Variants in ZC3HAV1 observed in about 807,000 individuals in gnomAD.
ZC3HAV1 encodes the protein zinc finger CCCH-type containing, antiviral 1.
Under a neutral mutation model 86.6 loss-of-function variants are expected in ZC3HAV1, and 41 were observed. The observed-to-expected ratio is 0.47, with a 90% CI of 0.37 to 0.61. The LOEUF (loss-of-function observed/expected upper bound fraction) is 0.61. Among genes scored for constraint, ZC3HAV1 ranks in the 20% least tolerant of loss-of-function variants. The pLI is 0.00. For synonymous variants in ZC3HAV1, 421 were observed against 432.1 expected (o/e 0.97, Z 0.32); for missense variants, 964 against 1,141.1 (o/e 0.84, Z 2.24).
rs532040789 is a variant in ZC3HAV1 at position 139,075,438 on chromosome 7, CTTAT to C, written c.1697+844_1697+847del. Among the ~76,000 whole-genome samples, 445 of 152,176 alleles carry C rather than the reference CTTAT, an allele frequency of 2.9e-3. 3 individuals carry two copies. The highest frequency in any genetic ancestry group is 4.8e-3 in the Admixed American group (73 of 15,258). ...TCTTCCAGAAGGAGAAATGTTTTTA[CTTAT>C]TTATTTTTGAGACAGGGTCTCACTC... On this transcript the variant is annotated intron_variant, in intron 6 of 12. Transcript: ENST00000242351.
chr7:139,058,761 A>G (rs1270445256), intron 9 of ZC3HAV1, among the ~76,000 whole-genome samples: 1 of 152,158 alleles, frequency 6.6e-6, no homozygotes, highest in Admixed American at 6.6e-5. Flanking sequence ...AAAAGCACGA[A>G]GCAACTCTGA....
intron 9 of ZC3HAV1, among the ~76,000 whole-genome samples, chr7:139,058,495 G>C (rs1816354457): frequency 6.9e-6 from 1 of 144,746 alleles, no homozygotes; most frequent in Non-Finnish European, 1.5e-5. Context: ...CTGAGGAGCT[G>C]ATAATTGAGG....
chr7:139,097,166 T>C (rs956907375), intron 1 of ZC3HAV1, among the ~76,000 whole-genome samples: 5 of 149,390 alleles, frequency 3.3e-5, no homozygotes, highest in African/African-American at 1.2e-4. Context: ...AAATAAAAAA[T>C]AAAAAAAAGA....
At chr7:139,053,376 A>T (rs1263682172) in intron 12 of ZC3HAV1, 75 bp downstream of exon 12, 3 of 1,458,772 alleles carry the variant, frequency 2.1e-6, no homozygotes, top group African/African-American at 1.4e-5. Flanking sequence ...ATAATTACAT[A>T]TACCTCCTAA....
chr7:139,046,459 T>G lies in ZC3HAV1; in HGVS notation c.*1135A>C, dbSNP rs1313503994. 1 of 152,224 alleles carries G rather than the reference T, an allele frequency of 6.6e-6. No individual in the cohort carries two copies. The highest frequency in any genetic ancestry group is 6.5e-5 in the Admixed American group (1 of 15,280). The allele number at this position is 152,224 out of a possible 1,614,324, so 9.4% of individuals were successfully genotyped here. ...AAATACTTTCATGAAAAGCCTGACC[T>G]GAGAAAAAGCCTTCTCTGTAATCAT... On this transcript the variant is annotated 3_prime_UTR_variant, in exon 13 of 13. Transcript: ENST00000242351.
At chr7:139,090,219 C>A (rs1817391300) in intron 1 of ZC3HAV1, among the ~76,000 whole-genome samples, 1 of 152,174 alleles carries the variant, frequency 6.6e-6, no homozygotes, top group South Asian at 2.1e-4. Context: ...CCACACCTGG[C>A]CCTTTGTTAA....
intron 1 of ZC3HAV1, among the ~76,000 whole-genome samples, chr7:139,101,017 AT>A (rs1341418208): frequency 5.9e-5 from 9 of 152,046 alleles, no homozygotes; most frequent in South Asian, 4.1e-4. Context: ...TGGTTTTCGT[AT>A]TTTTTTGGTG....
chr7:139,085,490 T>C (rs1350978780), intron 2 of ZC3HAV1, among the ~76,000 whole-genome samples: 1 of 152,212 alleles, frequency 6.6e-6, no homozygotes. Context: ...GTGTGTGGCT[T>C]CCCACTGGTT....
chr7:139,083,657 G>T (rs2130711204), intron 3 of ZC3HAV1, 123 bp downstream of exon 3: 2 of 1,296,512 alleles, frequency 1.5e-6, no homozygotes, highest in African/African-American at 1.5e-5. Context: ...AACCTGGGAG[G>T]CAGAGGTTGC....
intron 1 of ZC3HAV1, among the ~76,000 whole-genome samples, chr7:139,101,698 A>G (rs562013208): frequency 4.8e-4 from 72 of 151,268 alleles, no homozygotes; most frequent in African/African-American, 1.6e-3. Flanking sequence ...CTGTTGATCT[A>G]TGACCTTACC....
chr7:139,108,937 G>A lies in ZC3HAV1; in HGVS notation c.308+87C>T. 7.0e-7 allele frequency: 1 copy of A among 1,438,792 alleles called. No homozygotes were observed. The highest frequency in any genetic ancestry group is 9.2e-7 in the Non-Finnish European group (1 of 1,083,620). The allele number at this position is 1,438,792 out of a possible 1,614,324, so 89.1% of individuals were successfully genotyped here. The stretch of plus-strand genomic sequence containing the variant: ...CTGTCAGGTGCGGGGTCCCGGCGAA[G>A]CCGTGCCCCTCCCAGAACATTGCCC... On this transcript the variant is annotated intron_variant, in intron 1 of 12. Coordinates refer to ENST00000242351, the MANE Select transcript of ZC3HAV1 (RefSeq NM_020119.4). The surrounding 1 kb of genome is among the most constrained non-coding windows in gnomAD (Gnocchi z 4.2).
At chr7:139,077,265 A>G (rs544890815) in intron 5 of ZC3HAV1, among the ~76,000 whole-genome samples, 1 of 152,282 alleles carries the variant, frequency 6.6e-6, no homozygotes, top group Admixed American at 6.5e-5. Flanking sequence ...TTTGAGGCAG[A>G]ATCTCACTCA....
intron 7 of ZC3HAV1, among the ~76,000 whole-genome samples, chr7:139,069,199 C>T (rs1816696381): frequency 1.3e-5 from 2 of 152,130 alleles, no homozygotes; most frequent in South Asian, 4.1e-4. Flanking sequence ...TTTTAGCTAC[C>T]ATTAGTTTAA....
At chr7:139,101,597 G>A (rs1303993731) in intron 1 of ZC3HAV1, among the ~76,000 whole-genome samples, 1 of 146,660 alleles carries the variant, frequency 6.8e-6, no homozygotes, top group East Asian at 2.0e-4. Context: ...AAATGATAGA[G>A]AAATCGGATT....
intron 3 of ZC3HAV1, among the ~76,000 whole-genome samples, chr7:139,080,521 C>A (rs1388379927): frequency 6.6e-6 from 1 of 152,204 alleles, no homozygotes; most frequent in Admixed American, 6.5e-5. Context: ...GCTCGAACTC[C>A]TGGGCTCCAG....
chr7:139,100,013 A>G (rs1412945741), intron 1 of ZC3HAV1, among the ~76,000 whole-genome samples: 2 of 152,022 alleles, frequency 1.3e-5, no homozygotes, highest in African/African-American at 4.8e-5. Context: ...CAAACAAAAA[A>G]TAAATACTTT....
intron 8 of ZC3HAV1, among the ~76,000 whole-genome samples, chr7:139,062,832 A>T (rs548863163): frequency 9.2e-5 from 14 of 152,264 alleles, no homozygotes; most frequent in Non-Finnish European, 2.1e-4. Context: ...GTTTGAGACC[A>T]TCCTGGCTAA....
intron 3 of ZC3HAV1, among the ~76,000 whole-genome samples, chr7:139,083,323 A>G (rs765086966): frequency 5.3e-5 from 8 of 152,210 alleles, no homozygotes; most frequent in Non-Finnish European, 8.8e-5. Flanking sequence ...AATTATGTAA[A>G]AATGGTGTAT....
chr7:139,075,726 AACC>A (rs1816921948), intron 6 of ZC3HAV1, among the ~76,000 whole-genome samples: 1 of 151,846 alleles, frequency 6.6e-6, no homozygotes, highest in South Asian at 2.1e-4. Flanking sequence ...AAGCATGAGC[AACC>A]ACGCTCGGCC....
Sources: gnomAD v4.1 joint callset for allele counts (sites outside exome capture counted in the v4.1 genomes callset) on GRCh38, gnomAD v4.1.1 for gene constraint, Gnocchi (gnomAD v3.1) non-coding constraint, MANE v1.5 for transcripts, NCBI Gene and HGNC (gene_info 2026-07-23, HGNC 2026-07-21) for gene names.